The following IQCM variants were observed in gnomAD, a reference collection of about 807,000 sequenced individuals.
The protein encoded by IQCM is IQ motif containing M.
In IQCM, 45 loss-of-function variants were observed where a neutral mutation model predicts 57.6. That is an observed-to-expected ratio of 0.78 (90% CI 0.62 to 1.00). The LOEUF (loss-of-function observed/expected upper bound fraction) is 1.00. Ranked by LOEUF, IQCM falls within the 50% of genes least tolerant of loss-of-function variation. IQCM has a pLI of 0.00. For synonymous variants in IQCM, 148 were observed against 158.9 expected (o/e 0.93, Z 0.51); for missense variants, 468 against 511.6 (o/e 0.91, Z 0.82).
rs1732089216 is a variant in IQCM, at chr4:149,394,529, T to A, written c.1390+38867A>T. 2.6e-5 allele frequency among the ~76,000 whole-genome samples: 4 copies of A among 152,130 alleles called. No individual in the cohort carries two copies. In the South Asian group the frequency reaches 8.3e-4, roughly 32 times the overall value. On this transcript the variant is annotated intron_variant, in intron 13 of 13. Transcript: ENST00000636793. ...TATGTACCTCCTTAGGTTTGCGCAG[T>A]CACACCTGCCTATGGAGAGAGTCCT...
chr4:149,427,943 C>T (rs937887402), intron 13 of IQCM, among the ~76,000 whole-genome samples: 6 of 151,848 alleles, frequency 4.0e-5, no homozygotes, highest in Admixed American at 3.3e-4. Context: ...CTATATTATT[C>T]ATCTCGAGCA....
chr4:149,667,132 G>A (rs959833239), intron 7 of IQCM, among the ~76,000 whole-genome samples: 1 of 152,118 alleles, frequency 6.6e-6, no homozygotes, highest in Non-Finnish European at 1.5e-5. Context: ...CCTCCTGTCT[G>A]GGAGACACCT....
intron 13 of IQCM, among the ~76,000 whole-genome samples, chr4:149,379,114 C>T (rs1202691862): frequency 1.3e-5 from 2 of 152,176 alleles, no homozygotes; most frequent in African/African-American, 4.8e-5. Context: ...GAACCTCCGC[C>T]TAGATTTCAG....
At chr4:149,529,935 G>A (rs572489040) in intron 12 of IQCM, among the ~76,000 whole-genome samples, 20 of 152,242 alleles carry the variant, frequency 1.3e-4, no homozygotes, top group African/African-American at 3.9e-4. Context: ...AGTTCTTGGC[G>A]ACTGCTCCAC....
intron 2 of IQCM, among the ~76,000 whole-genome samples, chr4:149,761,162 T>C (rs1769472558): frequency 6.6e-6 from 1 of 152,098 alleles, no homozygotes; most frequent in Non-Finnish European, 1.5e-5. Flanking sequence ...ATAAATGATA[T>C]AAAATCTAGC....
intron 12 of IQCM, among the ~76,000 whole-genome samples, chr4:149,506,413 G>A (rs1350726043): frequency 6.6e-6 from 1 of 152,156 alleles, no homozygotes. Flanking sequence ...GGAGAGAAGA[G>A]TGCAACAAGA....
intron 7 of IQCM, among the ~76,000 whole-genome samples, chr4:149,659,877 C>A (rs879663796): frequency 0.017 from 2,586 of 151,416 alleles, 37 homozygotes; most frequent in Non-Finnish European, 0.028. Context: ...CCATAAAAAC[C>A]CTAGAAGAAA....
intron 13 of IQCM, among the ~76,000 whole-genome samples, chr4:149,400,310 C>G (rs1732527932): frequency 1.3e-5 from 2 of 151,200 alleles, no homozygotes; most frequent in Non-Finnish European, 2.9e-5. Flanking sequence ...TATCTTAAGG[C>G]GAGAAGCTTA....
chr4:149,660,705 C>G (rs1760110551), intron 7 of IQCM, among the ~76,000 whole-genome samples: 1 of 151,986 alleles, frequency 6.6e-6, no homozygotes, highest in South Asian at 2.1e-4. Context: ...AATTGGAAAT[C>G]ATCATTCTCA....
chr4:149,481,139 C>T (rs1375267964), intron 12 of IQCM, among the ~76,000 whole-genome samples: 2 of 151,916 alleles, frequency 1.3e-5, no homozygotes, highest in Non-Finnish European at 2.9e-5. Context: ...TGAACACCTT[C>T]TATATTTTGG....
At chr4:149,431,844 A>G (rs928505144) in intron 13 of IQCM, among the ~76,000 whole-genome samples, 13 of 151,898 alleles carry the variant, frequency 8.6e-5, no homozygotes, top group African/African-American at 3.1e-4. Flanking sequence ...CCAAATTTTT[A>G]TGGATGAACC....
At chr4:149,541,387 T>G (rs753870731) in intron 12 of IQCM, among the ~76,000 whole-genome samples, 2 of 152,130 alleles carry the variant, frequency 1.3e-5, no homozygotes, top group Non-Finnish European at 2.9e-5. Flanking sequence ...AAAAATGAAC[T>G]TATCATCGTT....
At chr4:149,658,674 T>G (rs999268811) in intron 7 of IQCM, among the ~76,000 whole-genome samples, 11 of 152,152 alleles carry the variant, frequency 7.2e-5, no homozygotes, top group African/African-American at 2.7e-4. Context: ...TTTTGAAGTC[T>G]TCAATGAAGA....
At chr4:149,796,206 C>G (rs1000092164) in intron 2 of IQCM, among the ~76,000 whole-genome samples, 1 of 152,144 alleles carries the variant, frequency 6.6e-6, no homozygotes, top group Admixed American at 6.5e-5. Flanking sequence ...AGATCCAAGA[C>G]AGGCAGCATC....
intron 12 of IQCM, among the ~76,000 whole-genome samples, chr4:149,510,091 T>G (rs1744244654): frequency 6.6e-6 from 1 of 152,178 alleles, no homozygotes; most frequent in Admixed American, 6.5e-5. Context: ...ATAGCAAAAT[T>G]TCCACGTGCA....
intron 2 of IQCM, among the ~76,000 whole-genome samples, chr4:149,777,853 C>A (rs182689099): frequency 6.6e-6 from 1 of 152,248 alleles, no homozygotes; most frequent in African/African-American, 2.4e-5. Context: ...CTTTTCTTTT[C>A]ATTTCATATA....
intron 8 of IQCM, among the ~76,000 whole-genome samples, chr4:149,610,426 G>C (rs929516781): frequency 2.0e-5 from 3 of 151,894 alleles, no homozygotes; most frequent in East Asian, 1.9e-4. Context: ...AAGCAATCCT[G>C]AGTAAAAAGT....
intron 13 of IQCM, among the ~76,000 whole-genome samples, chr4:149,354,170 C>T (rs1008413042): frequency 6.7e-6 from 1 of 150,354 alleles, no homozygotes; most frequent in Non-Finnish European, 1.5e-5. Flanking sequence ...CGAGACCATC[C>T]CGGCTAAAAC....
intron 12 of IQCM, among the ~76,000 whole-genome samples, chr4:149,479,232 G>A (rs994178082): frequency 2.0e-5 from 3 of 152,082 alleles, no homozygotes; most frequent in East Asian, 3.9e-4. Flanking sequence ...ATACAGAAAG[G>A]CAACATGATG....
Sources: gnomAD v4.1 joint callset for allele counts (sites outside exome capture counted in the v4.1 genomes callset) on GRCh38, gnomAD v4.1.1 for gene constraint, MANE v1.5 for transcripts, NCBI Gene and HGNC (gene_info 2026-07-23, HGNC 2026-07-21) for gene names.